PDE9A: variants seen among roughly 807,000 people sequenced by gnomAD.
PDE9A encodes the protein phosphodiesterase 9A, also known as high affinity cGMP-specific 3',5'-cyclic phosphodiesterase 9A.
PDE9A carries 60 observed loss-of-function variants against 87.4 expected under a neutral mutation model. The ratio of observed to expected loss-of-function variants is 0.69; its 90% confidence interval spans 0.56 to 0.85. The LOEUF is 0.85. PDE9A is among the 40% of genes least tolerant of loss of function. The pLI is 0.00. For missense variants in PDE9A, 665 were observed against 779.0 expected (o/e 0.85, Z 1.74); for synonymous variants, 272 against 279.4 (o/e 0.97, Z 0.27).
chr21:42,722,679 G>C lies in PDE9A; in HGVS notation c.263-9091G>C, dbSNP rs1045794510. Among the ~76,000 whole-genome samples the C allele has an allele frequency of 6.6e-6, 1 of 152,190 alleles. No homozygotes were observed. The highest frequency in any genetic ancestry group is 2.4e-5 in the African/African-American group (1 of 41,444). ...GGGAGAAAAGTACACATTCCCATCA[G>C]CTCAGGTGCGTGGAGGACGGAAGAA... On this transcript the variant is annotated intron_variant, in intron 4 of 19. Transcript: ENST00000291539. This position sits in a 1 kb window ranked among gnomAD's most constrained non-coding sequence, Gnocchi z 4.1.
At chr21:42,747,499 G>A (rs2053987290) in intron 8 of PDE9A, among the ~76,000 whole-genome samples, 1 of 152,394 alleles carries the variant, frequency 6.6e-6, no homozygotes, top group South Asian at 2.1e-4. Flanking sequence ...TGGGGCCTCG[G>A]AGCCAGGGGT....
intron 1 of PDE9A, among the ~76,000 whole-genome samples, chr21:42,681,017 G>A (rs2839570): frequency 0.12 from 17,786 of 152,272 alleles, 1,066 homozygotes; most frequent in Middle Eastern, 0.18. Context: ...CAGTGGGGAC[G>A]TTGAGATTCG....
chr21:42,738,989 C>T (rs538802348), intron 7 of PDE9A, among the ~76,000 whole-genome samples: 1 of 152,242 alleles, frequency 6.6e-6, no homozygotes, highest in South Asian at 2.1e-4. Context: ...CTGCGCCCGG[C>T]CTACAGTCCT....
rs185615214 is a variant in PDE9A, at chr21:42,723,413, T to C, written c.263-8357T>C. ...TTAGCACCCAGGTGAGCACACTTCA[T>C]TGAGTCCAGGTGTGTGCAGATGAGA... On this transcript the variant is annotated intron_variant, in intron 4 of 19. Transcript: ENST00000291539. This position sits in a 1 kb window ranked among gnomAD's most constrained non-coding sequence, Gnocchi z 4.3. Among the ~76,000 whole-genome samples the C allele has an allele frequency of 4.3e-4, 66 of 152,334 alleles. No homozygotes were observed. Among genetic ancestry groups the C allele is most frequent in the African/African-American group, 1.5e-3 (64 of 41,582 alleles).
intron 1 of PDE9A, among the ~76,000 whole-genome samples, chr21:42,680,458 G>A (rs1460597268): frequency 6.6e-6 from 1 of 152,218 alleles, no homozygotes; most frequent in Non-Finnish European, 1.5e-5. Flanking sequence ...TGGAAGGGGT[G>A]ATCTAGAGGG....
intron 1 of PDE9A, among the ~76,000 whole-genome samples, chr21:42,654,817 C>T (rs931698726): frequency 2.0e-5 from 3 of 152,284 alleles, no homozygotes; most frequent in African/African-American, 4.8e-5. Context: ...ACCCTGTGCC[C>T]GGCTTGATCC....
intron 3 of PDE9A, among the ~76,000 whole-genome samples, chr21:42,697,999 G>A (rs986398985): frequency 4.6e-5 from 7 of 152,148 alleles, no homozygotes; most frequent in Admixed American, 2.0e-4. Flanking sequence ...ACCACAGTGG[G>A]CACTCAGGAA....
chr21:42,773,755 C>A lies in PDE9A; in HGVS notation c.1768+1235C>A, dbSNP rs868238698. The stretch of plus-strand genomic sequence containing the variant: ...GGCGGAGATTGCCGTGAGCCAAGAT[C>A]GCGCCACTGCACTCCAGCCTGGGCA... On this transcript the variant is annotated intron_variant, in intron 19 of 19. Coordinates refer to ENST00000291539, the MANE Select transcript of PDE9A (RefSeq NM_002606.3). Among the ~76,000 whole-genome samples, 12 of 143,486 alleles carry A rather than the reference C, an allele frequency of 8.4e-5. No individual in the cohort carries two copies. The Admixed American group carries it at 8.8e-4, about 11-fold the overall frequency. The allele number at this position is 143,486 out of a possible 152,430, so 94.1% of individuals were successfully genotyped here. A position where few individuals can be genotyped will look rare whatever the true frequency, so the allele number is the denominator to read the frequency against.
intron 8 of PDE9A, among the ~76,000 whole-genome samples, chr21:42,746,593 G>A (rs946411783): frequency 1.3e-5 from 2 of 152,216 alleles, no homozygotes; most frequent in African/African-American, 4.8e-5. Context: ...ATCTGCAACA[G>A]TCATGTCCCC....
rs1301483435 is a variant in PDE9A, at chr21:42,759,386, TGTGTGTGTGTGGGAGC to T, written c.897+313_897+328del. On this transcript the variant is annotated intron_variant, in intron 11 of 19. Coordinates refer to ENST00000291539, the MANE Select transcript of PDE9A (RefSeq NM_002606.3). The surrounding 1 kb of genome is among the most constrained non-coding windows in gnomAD (Gnocchi z 7.2). ...TAAAGCAGCGGTGTGTGGGAGCGTGTGTGTGTGTGTGGGAGCGTGTGTGTGTGTGAGAGTGAGTATG... is the reference window on the plus strand; with the variant it reads ...TAAAGCAGCGGTGTGTGGGAGCGTGTGTGTGTGTGTGTGAGAGTGAGTATG... Among the ~76,000 whole-genome samples, 79 of 149,702 alleles carry T rather than the reference TGTGTGTGTGTGGGAGC, an allele frequency of 5.3e-4. No individual in the cohort carries two copies. Among genetic ancestry groups the T allele is most frequent in the Non-Finnish European group, 8.9e-5 (6 of 67,588 alleles).
Position 42,702,325 on chromosome 21 carries a change from C to T in PDE9A, c.262+3314C>T, listed in dbSNP as rs1226722858. On this transcript the variant is annotated intron_variant, in intron 4 of 19. Transcript: ENST00000291539. The surrounding 1 kb of genome is among the most constrained non-coding windows in gnomAD (Gnocchi z 4.9). ...TAGGAATTATGTTTCCCTCCTTTTTCGTATCTCCCATTTTTACATCTCCCA... is the reference window on the plus strand; with the variant it reads ...TAGGAATTATGTTTCCCTCCTTTTTTGTATCTCCCATTTTTACATCTCCCA... Among the ~76,000 whole-genome samples the T allele has an allele frequency of 6.6e-6, 1 of 151,870 alleles. No homozygotes were observed. The highest frequency in any genetic ancestry group is 1.9e-4 in the East Asian group (1 of 5,200).
intron 8 of PDE9A, among the ~76,000 whole-genome samples, chr21:42,744,823 G>A (rs1005129677): frequency 6.6e-6 from 1 of 152,192 alleles, no homozygotes; most frequent in African/African-American, 2.4e-5. Flanking sequence ...AAGAGACGGC[G>A]GTGATGATGA....
intron 4 of PDE9A, among the ~76,000 whole-genome samples, chr21:42,706,599 A>G (rs1440472622): frequency 2.6e-5 from 4 of 151,842 alleles, no homozygotes; most frequent in African/African-American, 7.3e-5. Flanking sequence ...AGCCGAGATC[A>G]CACCACTGCA....
chr21:42,690,609 C>T (rs1194095329), intron 3 of PDE9A, among the ~76,000 whole-genome samples: 2 of 152,004 alleles, frequency 1.3e-5, no homozygotes, highest in Admixed American at 6.6e-5. Flanking sequence ...CTCCTGCACC[C>T]CCGTCTCCTT....
intron 4 of PDE9A, among the ~76,000 whole-genome samples, chr21:42,717,696 A>T (rs1007686239): frequency 6.6e-6 from 1 of 150,782 alleles, no homozygotes; most frequent in Non-Finnish European, 1.5e-5. Context: ...CCAGGCAAGG[A>T]ACATGCCTTT....
intron 1 of PDE9A, among the ~76,000 whole-genome samples, chr21:42,655,480 G>A (rs567540708): frequency 7.9e-5 from 12 of 152,246 alleles, no homozygotes; most frequent in African/African-American, 2.2e-4. Flanking sequence ...CAGTGGACAC[G>A]CTGAGGTTGG....
At chr21:42,690,610 C>T (rs1029620420) in intron 3 of PDE9A, among the ~76,000 whole-genome samples, 6 of 151,994 alleles carry the variant, frequency 3.9e-5, no homozygotes, top group Non-Finnish European at 7.4e-5. Context: ...TCCTGCACCC[C>T]CGTCTCCTTT....
rs1290024442 is a variant in PDE9A, at chr21:42,759,350, G to A, written c.897+265G>A. Among the ~76,000 whole-genome samples the A allele has an allele frequency of 6.6e-6, 1 of 151,986 alleles. No homozygotes were observed. Among genetic ancestry groups the A allele is most frequent in the African/African-American group, 2.4e-5 (1 of 41,368 alleles). On this transcript the variant is annotated intron_variant, in intron 11 of 19. Coordinates refer to ENST00000291539, the MANE Select transcript of PDE9A (RefSeq NM_002606.3). The surrounding 1 kb of genome is among the most constrained non-coding windows in gnomAD (Gnocchi z 7.2). ...TGAGACTCTGCCATCATCAAGCAAA[G>A]CAGCATGTCCTAAAGCAGCGGTGTG...
Position 42,728,003 on chromosome 21 carries a change from T to C in PDE9A, c.263-3767T>C, listed in dbSNP as rs148786572. Reference sequence around the variant, plus strand: ...AAGCACTGAGTTTTTCACCATTAAGTACAGTTGGCTCTTCTGTATCTGTGT... The same window carrying C: ...AAGCACTGAGTTTTTCACCATTAAGCACAGTTGGCTCTTCTGTATCTGTGT... On this transcript the variant is annotated intron_variant, in intron 4 of 19. Coordinates refer to ENST00000291539, the MANE Select transcript of PDE9A (RefSeq NM_002606.3). 1.5e-3 allele frequency among the ~76,000 whole-genome samples: 232 copies of C among 152,342 alleles called. 2 individuals are homozygous for C. Among genetic ancestry groups the C allele is most frequent in the African/African-American group, 3.7e-3 (152 of 41,572 alleles).
Sources: gnomAD v4.1 joint callset for allele counts (sites outside exome capture counted in the v4.1 genomes callset) on GRCh38, gnomAD v4.1.1 for gene constraint, Gnocchi (gnomAD v3.1) non-coding constraint, MANE v1.5 for transcripts, NCBI Gene and HGNC (gene_info 2026-07-23, HGNC 2026-07-21) for gene names.